The following ITPR3 variants were observed in gnomAD, a reference collection of about 807,000 sequenced individuals.
ITPR3 encodes the protein inositol 1,4,5-trisphosphate-gated calcium channel ITPR3.
In ITPR3, 173 loss-of-function variants were observed where a neutral mutation model predicts 293.2. The ratio of observed to expected loss-of-function variants is 0.59; its 90% CI spans 0.52 to 0.67. The LOEUF (loss-of-function observed/expected upper bound fraction) is 0.67. Among genes scored for constraint, ITPR3 ranks in the 30% least tolerant of loss-of-function variants. The pLI is 0.00. For synonymous variants in ITPR3, 1,295 were observed against 1,444.4 expected (o/e 0.90, Z 2.35); for missense variants, 2,796 against 3,592.1 (o/e 0.78, Z 5.66).
intron 1 of ITPR3, among the ~76,000 whole-genome samples, chr6:33,622,226 G>T (rs1486107737): frequency 2.0e-5 from 3 of 152,002 alleles, no homozygotes; most frequent in Non-Finnish European, 2.9e-5. Flanking sequence ...CCCCTTCCAG[G>T]CTTCAAGGTC....
intron 20 of ITPR3, 78 bp from the exon 21 acceptor site, chr6:33,671,087 T>C (rs1764748925): frequency 6.3e-7 from 1 of 1,586,220 alleles, no homozygotes; most frequent in African/African-American, 1.3e-5. Flanking sequence ...GTTTCCCCAG[T>C]CCTGGCCTGC....
intron 42 of ITPR3, 71 bp downstream of exon 42, chr6:33,686,324 G>A: frequency 1.3e-6 from 2 of 1,596,142 alleles, no homozygotes; most frequent in Non-Finnish European, 1.7e-6. Flanking sequence ...GGAGCCAGCT[G>A]GGGCAGGGAG....
chr6:33,691,792 C>T lies in ITPR3; in HGVS notation c.7331-9C>T, dbSNP rs781386678. On this transcript the variant is annotated splice_polypyrimidine_tract_variant and intron_variant, in intron 53 of 57. Transcript: ENST00000605930. This position sits in a 1 kb window ranked among gnomAD's most constrained non-coding sequence, Gnocchi z 4.9. ...GCAGCCCGGGCCTCAGCACACTCTCCGCTTGCAGAGGACAGGGAGCTGGAC... is the reference window on the plus strand; with the variant it reads ...GCAGCCCGGGCCTCAGCACACTCTCTGCTTGCAGAGGACAGGGAGCTGGAC... 17 of 1,613,906 alleles carry T rather than the reference C, an allele frequency of 1.1e-5. No homozygotes were observed. The highest frequency in any genetic ancestry group is 1.0e-4 in the Admixed American group (6 of 60,000).
chr6:33,640,585 C>T lies in ITPR3; in HGVS notation c.160+31C>T, dbSNP rs757193279. 3 of 1,573,556 alleles carry T rather than the reference C, an allele frequency of 1.9e-6. No homozygotes were observed. The African/African-American group carries it at 4.1e-5, about 21-fold the overall frequency. On this transcript the variant is annotated intron_variant, in intron 2 of 57. Transcript: ENST00000605930. Reference sequence around the variant, plus strand: ...ACCTCCGCTTCCTCTGCCCCCGCCCCTCCCAGGCTGCAGGGTTCTGGACCT... The same window carrying T: ...ACCTCCGCTTCCTCTGCCCCCGCCCTTCCCAGGCTGCAGGGTTCTGGACCT...
In ITPR3 at chr6:33,688,336, C is replaced by G; in HGVS notation, c.6473C>G (p.Thr2158Ser). ...GAAACCAAGCACCGGCTCTTCACCA[C>G]TACTGAGCAGGACGAGCAGGGCAGC... is the stretch of plus-strand genomic sequence containing the variant. The part of the protein sequence containing the change: ...TEETKHRLFT[T>S]TEQDEQGSKV... Residue 2158 changes from threonine to serine, a missense_variant, in exon 48 of 58, where the codon ACT becomes AGT. This residue lies in a region of ITPR3 where 568 missense variants were observed against 796.1 expected (regional missense o/e 0.71). Transcript: ENST00000605930. The G allele has an allele frequency of 6.2e-7, 1 of 1,614,100 alleles. No homozygotes were observed. The highest frequency in any genetic ancestry group is 1.1e-5 in the South Asian group (1 of 91,086).
chr6:33,680,424 C>T lies in ITPR3; in HGVS notation c.4320C>T (p.Leu1440=). ...ACACCAGCAACCACATCTGGACGCTCTTTGAGAACTTCACCCTGGACATGG... is the reference window on the plus strand; with the variant it reads ...ACACCAGCAACCACATCTGGACGCTTTTTGAGAACTTCACCCTGGACATGG... ...EIYTSNHIWT[L]FENFTLDMAR... Residue 1440 remains leucine (L), a synonymous_variant, in exon 32 of 58, where the codon CTC becomes CTT. Coordinates refer to ENST00000605930, the MANE Select transcript of ITPR3 (RefSeq NM_002224.4). 2 of 1,613,604 alleles carry T rather than the reference C, an allele frequency of 1.2e-6. No individual in the cohort carries two copies. Among genetic ancestry groups the T allele is most frequent in the Non-Finnish European group, 1.7e-6 (2 of 1,180,038 alleles).
At position 33,682,562 on chromosome 6, in the gene ITPR3, C is replaced by G. The variant is rs1333230925; in HGVS notation, c.4515C>G (p.Thr1505=). 6.3e-7 allele frequency: 1 copy of G among 1,583,300 alleles called. No individual in the cohort carries two copies. The highest frequency in any genetic ancestry group is 8.6e-7 in the Non-Finnish European group (1 of 1,164,036). ...TTGTGGTGCAGCTGCTGCAGTCTAC[C>G]ACACGCCTCCTCGAGTGTCCGTGGC... The part of the protein sequence containing the change: ...QTIVVQLLQS[T]TRLLECPWLQ... Residue 1505 remains threonine (T), a synonymous_variant, in exon 34 of 58, where the codon ACC becomes ACG. Coordinates refer to ENST00000605930, the MANE Select transcript of ITPR3 (RefSeq NM_002224.4). This position sits in a 1 kb window ranked among gnomAD's most constrained non-coding sequence, Gnocchi z 5.4.
chr6:33,644,606 G>A (rs1764023804), intron 2 of ITPR3, among the ~76,000 whole-genome samples: 1 of 150,896 alleles, frequency 6.6e-6, no homozygotes. Context: ...TTGACCAGGG[G>A]TCTGTTTTAA....
At position 33,667,966 on chromosome 6, in the gene ITPR3, T is replaced by G; in HGVS notation, c.1886+2T>G. 1 of 1,614,024 alleles carries G rather than the reference T, an allele frequency of 6.2e-7. No homozygotes were observed. The highest frequency in any genetic ancestry group is 8.5e-7 in the Non-Finnish European group (1 of 1,179,982). On this transcript the variant is annotated splice_donor_variant, in intron 16 of 57. Coordinates refer to ENST00000605930, the MANE Select transcript of ITPR3 (RefSeq NM_002224.4). LOFTEE classifies it high-confidence loss of function. This position sits in a 1 kb window ranked among gnomAD's most constrained non-coding sequence, Gnocchi z 4.4. The stretch of plus-strand genomic sequence containing the variant: ...TGTGCGCAAGAACCGGGAGCCCAGG[T>G]GGGCCCGAACCCCCTCCCCGGCCGG...
chr6:33,683,255 G>T lies in ITPR3; in HGVS notation c.4646G>T (p.Ser1549Ile). The T allele has an allele frequency of 6.4e-7, 1 of 1,565,674 alleles. No individual in the cohort carries two copies. Among genetic ancestry groups the T allele is most frequent in the African/African-American group, 1.3e-5 (1 of 74,128 alleles). Residue 1549 changes from serine (S) to isoleucine (I), a missense_variant, in exon 35 of 58, where the codon AGC becomes ATC. Physicochemically the swap from Ser to Ile is moderately radical, Grantham distance 142 (BLOSUM62 -2). Transcript: ENST00000605930. This position sits in a 1 kb window ranked among gnomAD's most constrained non-coding sequence, Gnocchi z 4.5. ...CCCATGGACCTGGATGCCCACATCA[G>T]CTCGATGCTCAGCAGTGGAGCCAGC... ...LLPMDLDAHI[S>I]SMLSSGASCA...
rs755754723 is a variant in ITPR3 at position 33,677,531 on chromosome 6, G to A, written c.3550G>A (p.Gly1184Arg). The change falls in exon 28 of 58, where the codon GGG becomes AGG. Residue 1184 changes from glycine to arginine, a missense_variant. Gly to Arg is a moderately radical substitution (Grantham distance 125, BLOSUM62 -2). Around this residue, in one of 8 missense-constraint regions of ITPR3, gnomAD observed 344 missense variants for 460.3 expected, o/e 0.75. Coordinates refer to ENST00000605930, the MANE Select transcript of ITPR3 (RefSeq NM_002224.4). ...GILERLNKMC[G>R]VGEQMRKKQQ... ...CCTGGAAAGGCTGAACAAGATGTGC[G>A]GGGTTGGGGAGCAAATGAGGAAGAA... 7.4e-6 allele frequency: 12 copies of A among 1,613,864 alleles called. No individual in the cohort carries two copies. Among genetic ancestry groups the A allele is most frequent in the African/African-American group, 2.7e-5 (2 of 74,874 alleles).
chr6:33,682,430 C>T lies in ITPR3; in HGVS notation c.4477-94C>T. On this transcript the variant is annotated intron_variant, in intron 33 of 57. Transcript: ENST00000605930. The surrounding 1 kb of genome is among the most constrained non-coding windows in gnomAD (Gnocchi z 5.4). ...GCTAGTGAAGGCTCCGTCTCTCCACCCATGCCCATTCTGATTGGGCCCTGG... is the reference window on the plus strand; with the variant it reads ...GCTAGTGAAGGCTCCGTCTCTCCACTCATGCCCATTCTGATTGGGCCCTGG... The T allele has an allele frequency of 1.4e-6, 2 of 1,395,420 alleles. No individual in the cohort carries two copies. Among genetic ancestry groups the T allele is most frequent in the Non-Finnish European group, 9.5e-7 (1 of 1,054,564 alleles). 86.4% of individuals were successfully genotyped at this position (1,395,420 alleles called of 1,614,324 possible).
chr6:33,628,071 C>T (rs73743218), intron 1 of ITPR3, among the ~76,000 whole-genome samples: 9,243 of 152,250 alleles, frequency 0.061, 860 homozygotes, highest in African/African-American at 0.2. Flanking sequence ...CCCACTGGGG[C>T]GGTGGCTTGG....
At chr6:33,634,944 G>A (rs560494414) in intron 1 of ITPR3, among the ~76,000 whole-genome samples, 1 of 152,184 alleles carries the variant, frequency 6.6e-6, no homozygotes, top group East Asian at 1.9e-4. Context: ...CCCGCTACAA[G>A]GCCCTGTGTA....
Position 33,679,964 on chromosome 6 carries a change from C to T in ITPR3, c.4055C>T (p.Ala1352Val). ...CACCTGCTGGACATGATGAAGGCCG[C>T]CCGCGACGGCGTGGAGGACCACAGC... is the stretch of plus-strand genomic sequence containing the variant. ...LAHLLDMMKA[A>V]RDGVEDHSPL... Residue 1352 changes from alanine to valine, a missense_variant, in exon 31 of 58, where the codon GCC (alanine) becomes GTC (valine). Physicochemically the swap from Ala to Val is moderately conservative, Grantham distance 64. Around this residue, in one of 8 missense-constraint regions of ITPR3, gnomAD observed 344 missense variants for 460.3 expected, o/e 0.75. Coordinates refer to ENST00000605930, the MANE Select transcript of ITPR3 (RefSeq NM_002224.4). The surrounding 1 kb of genome is among the most constrained non-coding windows in gnomAD (Gnocchi z 4.2). 6.2e-7 allele frequency: 1 copy of T among 1,613,874 alleles called. No homozygotes were observed. Among genetic ancestry groups the T allele is most frequent in the Middle Eastern group, 1.6e-4 (1 of 6,062 alleles).
Position 33,670,887 on chromosome 6 carries a change from ACCCAGGAGTCGGCT to A in ITPR3, c.2586+73_2586+86del, listed in dbSNP as rs1202892306. On this transcript the variant is annotated intron_variant, in intron 20 of 57. Coordinates refer to ENST00000605930, the MANE Select transcript of ITPR3 (RefSeq NM_002224.4). The surrounding 1 kb of genome is among the most constrained non-coding windows in gnomAD (Gnocchi z 6.7). ...TGGCCCCACACTGGCCTCGGTCTTC[ACCCAGGAGTCGGCT>A]GTGGGATCCATGACCCCACTTCCTT... The A allele has an allele frequency of 6.4e-7, 1 of 1,556,900 alleles. No individual in the cohort carries two copies. The highest frequency in any genetic ancestry group is 2.2e-5 in the East Asian group (1 of 44,460).
At position 33,673,736 on chromosome 6, in the gene ITPR3, G is replaced by C; in HGVS notation, c.3058+16G>C. On this transcript the variant is annotated intron_variant, in intron 23 of 57. Coordinates refer to ENST00000605930, the MANE Select transcript of ITPR3 (RefSeq NM_002224.4). ...GACTCTACCAGTAAGCCCCTGCCCT[G>C]CCTTCAGGCTGAGGCTGTGCGACTC... 2 of 1,613,748 alleles carry C rather than the reference G, an allele frequency of 1.2e-6. No individual in the cohort carries two copies. Among genetic ancestry groups the C allele is most frequent in the Non-Finnish European group, 1.7e-6 (2 of 1,179,824 alleles).
At position 33,678,649 on chromosome 6, in the gene ITPR3, C is replaced by T. The variant is rs141216079; in HGVS notation, c.3782C>T (p.Ala1261Val). 1.9e-6 allele frequency: 3 copies of T among 1,612,452 alleles called. No homozygotes were observed. The highest frequency in any genetic ancestry group is 1.1e-5 in the South Asian group (1 of 90,862). Residue 1261 changes from alanine (A) to valine (V), a missense_variant, in exon 30 of 58, where the codon GCA becomes GTA. Transcript: ENST00000605930. ...TGCCCCCCACTGCAGCTCCTGGAGG[C>T]AGAGACCATGCAGCACATCTTCCTG... ...HLFLTPGLLE[A>V]ETMQHIFLNN...
At chr6:33,644,767 G>A (rs919615059) in intron 2 of ITPR3, among the ~76,000 whole-genome samples, 1 of 149,592 alleles carries the variant, frequency 6.7e-6, no homozygotes, top group Non-Finnish European at 1.5e-5. Context: ...GGGTTCAAGT[G>A]TTTCTCCCAC....
Sources: allele counts gnomAD v4.1 joint callset (sites outside exome capture counted in the v4.1 genomes callset), GRCh38; gene constraint gnomAD v4.1.1; regional missense constraint gnomAD v4.1.1; non-coding constraint Gnocchi (gnomAD v3.1); transcripts MANE v1.5; gene names NCBI Gene and HGNC (gene_info 2026-07-23, HGNC 2026-07-21).